Variants in C6orf141 observed in about 807,000 individuals in gnomAD.
C6orf141 encodes uncharacterized protein C6orf141.
For missense variants in C6orf141, 361 were observed against 335.8 expected, an observed-to-expected ratio of 1.07 and a Z score of -0.59; for synonymous variants, 164 against 140.5, an observed-to-expected ratio of 1.17 and a Z score of -1.18.
chr6:49,554,178 A>G (rs1441277802), downstream of C6orf141, among the ~76,000 whole-genome samples: 1 of 152,206 alleles, frequency 6.6e-6, no homozygotes, highest in East Asian at 1.9e-4. Context: ...AAGAGTTTAC[A>G]TACCTCCTAG....
Position 49,558,065 on chromosome 6 carries a change from T to TG in C6orf141, c.*763+2908_*763+2909insG, listed in dbSNP as rs1772368431. On this transcript the variant is annotated intron_variant and NMD_transcript_variant, in intron 4 of 4. Coordinates refer to the C6orf141 transcript ENST00000371194. ...TGCCGTTACACTCAAATATGTTTTT[T>TG]TTTTTTTTTTTTTTTTTTAGTAGAG... Among the ~76,000 whole-genome samples, 7 of 133,546 alleles carry TG rather than the reference T, an allele frequency of 5.2e-5. No homozygotes were observed. In the South Asian group the frequency reaches 1.3e-3, roughly 24 times the overall value. 87.6% of individuals were successfully genotyped at this position (133,546 alleles called of 152,430 possible).
chr6:49,555,147 C>G (rs1345690201), downstream of C6orf141: 1 of 152,164 alleles, frequency 6.6e-6, no homozygotes, highest in Non-Finnish European at 1.5e-5. Context: ...TCGCATAACC[C>G]CCAGGATCAG....
intron 4 of C6orf141, among the ~76,000 whole-genome samples, chr6:49,559,232 A>G (rs1429990344): frequency 1.0e-5 from 1 of 97,100 alleles, no homozygotes; most frequent in Non-Finnish European, 2.0e-5. Context: ...ATATATATAT[A>G]TTCAGTCTTT....
chr6:49,561,279 G>A lies in C6orf141; in HGVS notation c.*764-425G>A, dbSNP rs184905537. 6.2e-4 allele frequency among the ~76,000 whole-genome samples: 94 copies of A among 152,130 alleles called. 1 individual carries two copies. The highest frequency in any genetic ancestry group is 3.4e-3 in the Middle Eastern group (1 of 294). On this transcript the variant is annotated intron_variant and NMD_transcript_variant, in intron 4 of 4. Coordinates refer to the C6orf141 transcript ENST00000371194. ...AACCTGGCTAATTCTTGTATTTTTA[G>A]TAGAGACGGAGTTTTTACTATGTTG...
downstream of C6orf141, among the ~76,000 whole-genome samples, chr6:49,555,668 C>T (rs1472302946): frequency 6.6e-6 from 1 of 152,154 alleles, no homozygotes; most frequent in African/African-American, 2.4e-5. Context: ...GCCATCACGC[C>T]CGGCTAATTT....
chr6:49,558,067 T>TTTTTTGTTTTTTTTTGTTTTTTTTTG (rs1772376669), intron 4 of C6orf141, among the ~76,000 whole-genome samples: 1 of 135,346 alleles, frequency 7.4e-6, no homozygotes, highest in African/African-American at 2.8e-5. Flanking sequence ...ATGTTTTTTT[T>TTTTTTGTTTTTTTTTGTTTTTTTTTG]TTTTTTTTTT....
At position 49,550,896 on chromosome 6, in the gene C6orf141, A is replaced by ATAC; in HGVS notation, c.104_105insTAC (p.Glu35delinsAspThr). ...GGGGACCTCGGGCCTTTTCCGCGGG[A>ATAC]GGTAGGGCGCGGGGCTCCGCTAGCT... On this transcript the variant is annotated protein_altering_variant, in exon 1 of 1. Coordinates refer to ENST00000529246, the MANE Select transcript of C6orf141 (RefSeq NM_001145652.2). 1 of 1,522,010 alleles carries ATAC rather than the reference A, an allele frequency of 6.6e-7. No homozygotes were observed. Among genetic ancestry groups the ATAC allele is most frequent in the Non-Finnish European group, 8.8e-7 (1 of 1,137,006 alleles). 94.3% of individuals were successfully genotyped at this position (1,522,010 alleles called of 1,614,324 possible). A position where few individuals can be genotyped will look rare whatever the true frequency, so the allele number is the denominator to read the frequency against.
intron 4 of C6orf141, among the ~76,000 whole-genome samples, chr6:49,558,706 AT>A (rs1208324425): frequency 1.3e-5 from 2 of 150,938 alleles, no homozygotes; most frequent in East Asian, 2.0e-4. Context: ...TACTTTTCGT[AT>A]TTTTTTTGGG....
At chr6:49,560,101 G>A (rs1190004679) in intron 4 of C6orf141, among the ~76,000 whole-genome samples, 8 of 152,108 alleles carry the variant, frequency 5.3e-5, no homozygotes, top group Admixed American at 5.2e-4. Flanking sequence ...ATCACCTGAG[G>A]TCTGGAGTTC....
At chr6:49,561,132 C>G (rs1773243349) in intron 4 of C6orf141, among the ~76,000 whole-genome samples, 1 of 145,926 alleles carries the variant, frequency 6.9e-6, no homozygotes, top group Admixed American at 6.9e-5. Context: ...GAGTCTTTCT[C>G]TGTCGCCCAG....
downstream of C6orf141, among the ~76,000 whole-genome samples, chr6:49,554,547 GT>G (rs11303283): frequency 0.93 from 141,816 of 152,012 alleles, 66,574 homozygotes; most frequent in East Asian, 1. Flanking sequence ...TGCCTGGCTA[GT>G]TTTTTTGTAT....
intron 4 of C6orf141, among the ~76,000 whole-genome samples, chr6:49,558,898 G>A (rs891030908): frequency 3.7e-4 from 56 of 151,550 alleles, no homozygotes; most frequent in Middle Eastern, 3.4e-3. Context: ...TAGTAGAGAC[G>A]GGGTTTCACT....
chr6:49,551,753 A>G lies in C6orf141; in HGVS notation c.*226A>G. The G allele has an allele frequency of 7.2e-7, 1 of 1,390,606 alleles. No homozygotes were observed. Among genetic ancestry groups the G allele is most frequent in the Non-Finnish European group, 9.3e-7 (1 of 1,070,730 alleles). The allele number at this position is 1,390,606 out of a possible 1,614,324, so 86.1% of individuals were successfully genotyped here. A position where few individuals can be genotyped will look rare whatever the true frequency, so the allele number is the denominator to read the frequency against. ...CCTAAGTCATTCAGAAGAGGTGGAG[A>G]AAAGATATTTTCAGATTGGCAGAAT... On this transcript the variant is annotated 3_prime_UTR_variant, in exon 1 of 1. Coordinates refer to ENST00000529246, the MANE Select transcript of C6orf141 (RefSeq NM_001145652.2).
downstream of C6orf141, chr6:49,555,154 T>C (rs1771567103): frequency 6.6e-6 from 1 of 152,206 alleles, no homozygotes; most frequent in African/African-American, 2.4e-5. Flanking sequence ...ACCCCCAGGA[T>C]CAGGCAAGTG....
At chr6:49,554,365 C>G (rs555304403), downstream of C6orf141, among the ~76,000 whole-genome samples, 11 of 152,216 alleles carry the variant, frequency 7.2e-5, no homozygotes, top group Non-Finnish European at 1.6e-4. Flanking sequence ...CTCCTTTAAA[C>G]CAAATATGTT....
At position 49,551,407 on chromosome 6, in the gene C6orf141, A is replaced by G; in HGVS notation, c.615A>G (p.Glu205=). 1 of 1,551,596 alleles carries G rather than the reference A, an allele frequency of 6.4e-7. No individual in the cohort carries two copies. Among genetic ancestry groups the G allele is most frequent in the Non-Finnish European group, 8.7e-7 (1 of 1,146,952 alleles). The change falls in exon 1 of 1, where the codon GAA becomes GAG. Residue 205 remains glutamate (E), a synonymous_variant. Transcript: ENST00000529246. ...FRSSREGQPG[E]RWGPAESRAL... is the part of the protein sequence containing the mutation. Reference sequence around the variant, plus strand: ...GCAGTAGAGAGGGACAGCCTGGGGAACGCTGGGGCCCTGCTGAATCCCGGG... The same window carrying G: ...GCAGTAGAGAGGGACAGCCTGGGGAGCGCTGGGGCCCTGCTGAATCCCGGG...
In C6orf141 at chr6:49,550,979, G is replaced by C. The variant is rs867756406; in HGVS notation, c.187G>C (p.Glu63Gln). ...GAGCCGAAGCCAGGGCGGCGGCCACGAGGACAGAACGGCAGATCGGGCCCT... is the reference window on the plus strand; with the variant it reads ...GAGCCGAAGCCAGGGCGGCGGCCACCAGGACAGAACGGCAGATCGGGCCCT... ...GASRSQGGGHEDRTADRALGP... is the reference protein window; with the variant it reads ...GASRSQGGGHQDRTADRALGP... Residue 63 changes from glutamate (E) to glutamine (Q), a missense_variant, in exon 1 of 1, where the codon GAG (glutamate) becomes CAG (glutamine). By Grantham distance (29) the Glu-to-Gln change is conservative (BLOSUM62 2). Coordinates refer to ENST00000529246, the MANE Select transcript of C6orf141 (RefSeq NM_001145652.2). The C allele has an allele frequency of 1.3e-6, 2 of 1,550,878 alleles. No homozygotes were observed. Among genetic ancestry groups the C allele is most frequent in the Middle Eastern group, 1.7e-4 (1 of 5,986 alleles).
intron 4 of C6orf141, among the ~76,000 whole-genome samples, chr6:49,560,208 G>A (rs1375249545): frequency 5.9e-5 from 9 of 152,094 alleles, no homozygotes; most frequent in South Asian, 2.1e-4. Context: ...CCAGCTACTC[G>A]GGTGGCTGAG....
Position 49,550,975 on chromosome 6 carries a change from C to T in C6orf141, c.183C>T (p.Gly61=). Residue 61 remains glycine (G), a synonymous_variant, in exon 1 of 1, where the codon GGC becomes GGT. Coordinates refer to ENST00000529246, the MANE Select transcript of C6orf141 (RefSeq NM_001145652.2). ...TAGASRSQGG[G]HEDRTADRAL... ...GGGCGAGCCGAAGCCAGGGCGGCGG[C>T]CACGAGGACAGAACGGCAGATCGGG... 3 of 1,550,586 alleles carry T rather than the reference C, an allele frequency of 1.9e-6. No homozygotes were observed. Among genetic ancestry groups the T allele is most frequent in the Non-Finnish European group, 2.6e-6 (3 of 1,146,708 alleles).
Sources: gnomAD v4.1 joint callset for allele counts (sites outside exome capture counted in the v4.1 genomes callset) on GRCh38, gnomAD v4.1.1 for gene constraint, MANE v1.5 for transcripts, NCBI Gene and HGNC (gene_info 2026-07-23, HGNC 2026-07-21) for gene names.